CMSS1: variants seen among roughly 807,000 people sequenced by gnomAD.
CMSS1 encodes protein CMSS1.
A neutral mutation model predicts 43.5 loss-of-function variants in CMSS1; 33 were observed. That is an observed-to-expected ratio of 0.76 (90% CI 0.57 to 1.01). CMSS1 has a LOEUF of 1.01. Among genes scored for constraint, CMSS1 ranks in the 50% least tolerant of loss-of-function variants. CMSS1 has a pLI of 0.00. For missense variants in CMSS1, 313 were observed against 326.4 expected (o/e 0.96, Z 0.32); for synonymous variants, 115 against 117.2 (o/e 0.98, Z 0.12).
At chr3:99,833,304 A>T (rs890295719) in intron 1 of CMSS1, 2 of 1,531,442 alleles carry the variant, frequency 1.3e-6, no homozygotes, top group Admixed American at 1.8e-5. Context: ...TGTGGAATAT[A>T]TTAAATTCTA....
intron 1 of CMSS1, chr3:99,876,171 T>C (rs902856426): frequency 8.1e-6 from 8 of 985,370 alleles, no homozygotes; most frequent in Non-Finnish European, 9.6e-6. Context: ...GCCCGAACAA[T>C]GCGAGCGGGG....
intron 1 of CMSS1, chr3:100,040,798 A>T (rs1356156749): frequency 6.6e-6 from 1 of 152,088 alleles, no homozygotes; most frequent in African/African-American, 2.4e-5. Flanking sequence ...CCAAGTTGAC[A>T]TTTTCTCAGG....
At chr3:99,887,250 A>G (rs1275144746) in intron 1 of CMSS1, among the ~76,000 whole-genome samples, 1 of 152,082 alleles carries the variant, frequency 6.6e-6, no homozygotes, top group African/African-American at 2.4e-5. Flanking sequence ...CTGGGCAACA[A>G]CAGCAAAACT....
Position 99,908,835 on chromosome 3 carries a change from C to T in CMSS1, c.64+90792C>T, listed in dbSNP as rs1469561320. Reference sequence around the variant, plus strand: ...CTTTGTATTTTTTGTATAGAATATACAAAATAGAATCTACCATCTACAAAA... The same window carrying T: ...CTTTGTATTTTTTGTATAGAATATATAAAATAGAATCTACCATCTACAAAA... On this transcript the variant is annotated intron_variant, in intron 1 of 9. Transcript: ENST00000421999. Among the ~76,000 whole-genome samples, 8 of 151,884 alleles carry T rather than the reference C, an allele frequency of 5.3e-5. No individual in the cohort carries two copies. The South Asian group carries it at 1.5e-3, about 28-fold the overall frequency.
At chr3:100,057,664 G>A (rs1398426080) in intron 1 of CMSS1, among the ~76,000 whole-genome samples, 4 of 152,124 alleles carry the variant, frequency 2.6e-5, no homozygotes, top group Admixed American at 2.6e-4. Context: ...GCCCCATATG[G>A]GACAGTTGGT....
intron 1 of CMSS1, among the ~76,000 whole-genome samples, chr3:99,968,470 C>A (rs370638499): frequency 2.7e-5 from 4 of 150,870 alleles, no homozygotes; most frequent in South Asian, 4.2e-4. Flanking sequence ...GGGTTTAAGT[C>A]CTTGCAGGCA....
intron 1 of CMSS1, among the ~76,000 whole-genome samples, chr3:100,026,153 C>T (rs558880633): frequency 6.6e-6 from 1 of 152,152 alleles, no homozygotes; most frequent in Non-Finnish European, 1.5e-5. Context: ...TGTCAAATTG[C>T]CATAGAGGAG....
At chr3:100,162,250 C>G in intron 3 of CMSS1, 53 bp from the exon 4 acceptor site, 1 of 1,560,076 alleles carries the variant, frequency 6.4e-7, no homozygotes, top group Non-Finnish European at 8.8e-7. Flanking sequence ...CTATTCCAAC[C>G]AAATGCCATT....
chr3:99,980,251 C>T (rs1709082795), intron 1 of CMSS1, among the ~76,000 whole-genome samples: 1 of 152,052 alleles, frequency 6.6e-6, no homozygotes, highest in Non-Finnish European at 1.5e-5. Context: ...GGGTTTGAGA[C>T]CTGGATCTAC....
At chr3:100,022,210 A>C (rs2064838706) in intron 1 of CMSS1, among the ~76,000 whole-genome samples, 1 of 152,190 alleles carries the variant, frequency 6.6e-6, no homozygotes, top group Non-Finnish European at 1.5e-5. Flanking sequence ...ATGCAATTGC[A>C]GTAGCATTGA....
rs1042069237 is a variant in CMSS1 at position 100,147,008 on chromosome 3, G to C, written c.100G>C (p.Val34Leu). The C allele has an allele frequency of 2.5e-6, 4 of 1,613,836 alleles. No individual in the cohort carries two copies. The highest frequency in any genetic ancestry group is 3.4e-6 in the Non-Finnish European group (4 of 1,179,878). ...TGGTGAAGGAGAAGGAGACACAGAA[G>C]TGATGCAGCAGGAGACAGTTCCAGT... ...SDGEGEGDTE[V>L]MQQETVPVPV... The change falls in exon 2 of 10, where the codon GTG becomes CTG. Residue 34 changes from valine to leucine, a missense_variant. By Grantham distance (32) the Val-to-Leu change is conservative. Transcript: ENST00000421999.
chr3:100,073,834 C>G (rs183453362), intron 1 of CMSS1, among the ~76,000 whole-genome samples: 2 of 152,194 alleles, frequency 1.3e-5, no homozygotes, highest in East Asian at 1.9e-4. Flanking sequence ...TCCACTCACT[C>G]TTTTTAAGCT....
rs535930320 is a variant in CMSS1 at position 99,944,778 on chromosome 3, T to A, written c.64+126735T>A. ...GTTGGGAGAGACATCTCAGCAATTATGGTGCAGCACTGACTATATCAATAA... is the reference window on the plus strand; with the variant it reads ...GTTGGGAGAGACATCTCAGCAATTAAGGTGCAGCACTGACTATATCAATAA... On this transcript the variant is annotated intron_variant, in intron 1 of 9. Transcript: ENST00000421999. Among the ~76,000 whole-genome samples the A allele has an allele frequency of 2.0e-5, 3 of 152,328 alleles. No individual in the cohort carries two copies. The South Asian group carries it at 6.2e-4, about 32-fold the overall frequency.
chr3:100,060,580 C>T (rs143325640), intron 1 of CMSS1, among the ~76,000 whole-genome samples: 1,792 of 152,140 alleles, frequency 0.012, 22 homozygotes, highest in African/African-American at 0.026. Context: ...AGGGGCTCGG[C>T]GCAGTGGCTC....
intron 1 of CMSS1, among the ~76,000 whole-genome samples, chr3:99,978,850 A>G (rs1271065653): frequency 6.6e-6 from 1 of 152,116 alleles, no homozygotes; most frequent in Non-Finnish European, 1.5e-5. Context: ...ACACCACTGC[A>G]CTCCAGCCTG....
At chr3:99,951,818 C>G (rs1708185724) in intron 1 of CMSS1, among the ~76,000 whole-genome samples, 1 of 152,186 alleles carries the variant, frequency 6.6e-6, no homozygotes, top group Non-Finnish European at 1.5e-5. Flanking sequence ...TACTCAAACT[C>G]TATCTTTCCA....
chr3:99,996,672 C>T (rs146861989), intron 1 of CMSS1, among the ~76,000 whole-genome samples: 17 of 152,104 alleles, frequency 1.1e-4, no homozygotes, highest in East Asian at 5.8e-4. Flanking sequence ...AGGCAAAAGG[C>T]GCTTCTTACA....
chr3:99,845,830 A>G (rs1369399241), intron 1 of CMSS1, among the ~76,000 whole-genome samples: 1 of 152,072 alleles, frequency 6.6e-6, no homozygotes, highest in Non-Finnish European at 1.5e-5. Context: ...ATGCTGATAC[A>G]AATTATTATA....
intron 1 of CMSS1, among the ~76,000 whole-genome samples, chr3:100,062,798 G>A (rs1425469722): frequency 1.3e-5 from 2 of 152,152 alleles, no homozygotes; most frequent in Admixed American, 6.5e-5. Context: ...CCCTACACCT[G>A]TCTGGCCCAA....
Sources: allele counts gnomAD v4.1 joint callset (sites outside exome capture counted in the v4.1 genomes callset), GRCh38; gene constraint gnomAD v4.1.1; transcripts MANE v1.5; gene names NCBI Gene and HGNC (gene_info 2026-07-23, HGNC 2026-07-21).